The following CADM2 variants were observed in gnomAD, a reference collection of about 807,000 sequenced individuals.
CADM2 encodes cell adhesion molecule 2.
A neutral mutation model predicts 49.8 loss-of-function variants in CADM2; 12 were observed. The ratio of observed to expected loss-of-function variants is 0.24; its 90% CI spans 0.15 to 0.39. The LOEUF is 0.39. Among genes scored for constraint, CADM2 ranks in the 10% least tolerant of loss-of-function variants. The probability of loss-of-function intolerance (pLI) is 1.00; values close to 1 mark genes in which losing one functional copy is unlikely to be tolerated. For synonymous variants in CADM2, 214 were observed against 175.4 expected (o/e 1.22, Z -1.74); for missense variants, 378 against 492.3 (o/e 0.77, Z 2.20).
chr3:85,477,548 C>T (rs1053235473), intron 1 of CADM2, among the ~76,000 whole-genome samples: 5 of 151,752 alleles, frequency 3.3e-5, no homozygotes, highest in African/African-American at 7.3e-5. Context: ...TGTTCTCATA[C>T]GGCTTACATT....
At chr3:85,887,346 G>C (rs983232534) in intron 5 of CADM2, among the ~76,000 whole-genome samples, 1 of 152,108 alleles carries the variant, frequency 6.6e-6, no homozygotes, top group East Asian at 1.9e-4. Context: ...GCCTCCTAAA[G>C]TGCTAGGATT....
chr3:85,365,036 A>C (rs2032649043), intron 1 of CADM2, among the ~76,000 whole-genome samples: 1 of 152,134 alleles, frequency 6.6e-6, no homozygotes, highest in South Asian at 2.1e-4. Context: ...TATGTTCTTA[A>C]TCAATAGTTT....
intron 6 of CADM2, among the ~76,000 whole-genome samples, chr3:85,922,942 C>A (rs550140903): frequency 1.2e-4 from 18 of 151,874 alleles, no homozygotes; most frequent in African/African-American, 4.1e-4. Context: ...CTGCCTCAGC[C>A]TCCTGAGTAG....
intron 1 of CADM2, among the ~76,000 whole-genome samples, chr3:85,302,306 C>T (rs2044121063): frequency 6.6e-6 from 1 of 152,004 alleles, no homozygotes; most frequent in Non-Finnish European, 1.5e-5. Context: ...GGATACATCC[C>T]AGACTTTGAG....
intron 1 of CADM2, among the ~76,000 whole-genome samples, chr3:85,717,063 T>C (rs2067319605): frequency 6.6e-6 from 1 of 152,208 alleles, no homozygotes. Flanking sequence ...GGGAATAGAA[T>C]TGAATCTATA....
chr3:85,350,820 A>G (rs892560082), intron 1 of CADM2, among the ~76,000 whole-genome samples: 2 of 152,154 alleles, frequency 1.3e-5, no homozygotes, highest in African/African-American at 4.8e-5. Flanking sequence ...TCATACTGTC[A>G]AGCTGAATTT....
At chr3:85,732,799 G>C (rs2067986403) in intron 2 of CADM2, among the ~76,000 whole-genome samples, 1 of 152,160 alleles carries the variant, frequency 6.6e-6, no homozygotes, top group African/African-American at 2.4e-5. Context: ...AAATGAAGCA[G>C]AGTTAAGAAA....
At chr3:85,445,057 A>G (rs2037382152) in intron 1 of CADM2, among the ~76,000 whole-genome samples, 1 of 152,150 alleles carries the variant, frequency 6.6e-6, no homozygotes. Context: ...TTACTAAATG[A>G]GTACATATAC....
intron 1 of CADM2, among the ~76,000 whole-genome samples, chr3:85,413,211 C>T (rs896826413): frequency 7.4e-6 from 1 of 134,292 alleles, no homozygotes; most frequent in African/African-American, 2.8e-5. Context: ...TGACCCAGTA[C>T]AAATTTTCTT....
At chr3:85,543,330 C>A (rs1047837052) in intron 1 of CADM2, among the ~76,000 whole-genome samples, 1 of 150,360 alleles carries the variant, frequency 6.7e-6, no homozygotes, top group African/African-American at 2.4e-5. Context: ...TCTCTGTTTA[C>A]CGCAACCTCC....
chr3:85,507,391 GT>G (rs2040405703), intron 1 of CADM2, among the ~76,000 whole-genome samples: 1 of 151,704 alleles, frequency 6.6e-6, no homozygotes, highest in Admixed American at 6.6e-5. Context: ...GTTTCACCAT[GT>G]TGGTCAGGCT....
chr3:86,042,802 C>T (rs1010819668), intron 8 of CADM2, among the ~76,000 whole-genome samples: 5 of 152,164 alleles, frequency 3.3e-5, no homozygotes, highest in Admixed American at 1.3e-4. Context: ...ACCAATATCC[C>T]TGATAACCAT....
At chr3:85,339,136 T>C (rs1387162954) in intron 1 of CADM2, among the ~76,000 whole-genome samples, 1 of 151,542 alleles carries the variant, frequency 6.6e-6, no homozygotes, top group Non-Finnish European at 1.5e-5. Context: ...ATTTGTAAAA[T>C]AGTGATAATA....
intron 1 of CADM2, among the ~76,000 whole-genome samples, chr3:85,356,386 G>A (rs1255410236): frequency 6.6e-6 from 1 of 152,052 alleles, no homozygotes; most frequent in East Asian, 1.9e-4. Flanking sequence ...CTAAACTATT[G>A]AGAAACATTT....
intron 1 of CADM2, among the ~76,000 whole-genome samples, chr3:85,198,545 C>A (rs2041404702): frequency 6.6e-6 from 1 of 151,550 alleles, no homozygotes; most frequent in South Asian, 2.1e-4. Context: ...AGCAGTTTCT[C>A]TTGGCTAACT....
At chr3:84,969,888 A>C (rs2031290102) in intron 1 of CADM2, among the ~76,000 whole-genome samples, 1 of 151,826 alleles carries the variant, frequency 6.6e-6, no homozygotes, top group Non-Finnish European at 1.5e-5. Context: ...TTTTATTTCT[A>C]GCTTCAAAAA....
intron 3 of CADM2, among the ~76,000 whole-genome samples, chr3:85,845,155 C>CAAAAAAAAA: frequency 1.1e-5 from 1 of 88,098 alleles, no homozygotes; most frequent in Non-Finnish European, 2.5e-5. Flanking sequence ...GACTTAGTCA[C>CAAAAAAAAA]AAAAAAAAAA....
At chr3:85,800,837 G>C (rs1435582960) in intron 2 of CADM2, 1 of 152,262 alleles carries the variant, frequency 6.6e-6, no homozygotes, top group Non-Finnish European at 1.5e-5. Flanking sequence ...CTGCAGACTG[G>C]AGCTGTTCCT....
intron 1 of CADM2, among the ~76,000 whole-genome samples, chr3:84,966,957 A>C (rs1348285237): frequency 1.3e-5 from 2 of 152,040 alleles, no homozygotes; most frequent in Non-Finnish European, 2.9e-5. Flanking sequence ...TCTCAAAGCT[A>C]AATGTGATCA....
Sources: gnomAD v4.1 joint callset for allele counts (sites outside exome capture counted in the v4.1 genomes callset) on GRCh38, gnomAD v4.1.1 for gene constraint, MANE v1.5 for transcripts, NCBI Gene and HGNC (gene_info 2026-07-23, HGNC 2026-07-21) for gene names.